WWOX: variants seen among roughly 807,000 people sequenced by gnomAD.
WWOX encodes the protein WW domain containing oxidoreductase, also known as WW domain-containing oxidoreductase.
In WWOX, 69 loss-of-function variants were observed where a neutral mutation model predicts 46.2. The ratio of observed to expected loss-of-function variants is 1.49; its 90% CI spans 1.23 to 1.82. The LOEUF is 1.82. Ranked by LOEUF, WWOX falls within the 40% of genes most tolerant of loss-of-function variation. The pLI, the probability that WWOX is intolerant of heterozygous loss-of-function variation, is 0.00. For synonymous variants in WWOX, 359 were observed against 202.6 expected (o/e 1.77, Z -6.56); for missense variants, 919 against 542.6 (o/e 1.69, Z -6.89).
intron 8 of WWOX, among the ~76,000 whole-genome samples, chr16:78,888,933 C>A (rs758694089): frequency 6.7e-6 from 1 of 150,220 alleles, no homozygotes; most frequent in African/African-American, 2.5e-5. Context: ...TCTCCTTTTT[C>A]CCCAAGCCCC....
chr16:78,646,001 C>A (rs754443150), intron 8 of WWOX, among the ~76,000 whole-genome samples: 6 of 152,150 alleles, frequency 3.9e-5, no homozygotes, highest in Non-Finnish European at 8.8e-5. Context: ...CTCCTCTCCC[C>A]CTTTGTCATC....
intron 8 of WWOX, among the ~76,000 whole-genome samples, chr16:79,069,060 G>A (rs1464918358): frequency 6.6e-6 from 1 of 152,108 alleles, no homozygotes; most frequent in South Asian, 2.1e-4. Context: ...CATTTGATCA[G>A]TAAAGCGCAG....
At chr16:78,301,650 G>C (rs982310400) in intron 5 of WWOX, among the ~76,000 whole-genome samples, 1 of 152,214 alleles carries the variant, frequency 6.6e-6, no homozygotes, top group Non-Finnish European at 1.5e-5. Flanking sequence ...TCAAGTCTCA[G>C]GTTAAAAAAC....
At chr16:79,037,856 C>T (rs948896783) in intron 8 of WWOX, among the ~76,000 whole-genome samples, 3 of 152,132 alleles carry the variant, frequency 2.0e-5, no homozygotes, top group Non-Finnish European at 2.9e-5. Flanking sequence ...CTCCTGCCTG[C>T]TCTCTGGGTG....
chr16:79,005,705 C>A (rs1463351344), intron 8 of WWOX, among the ~76,000 whole-genome samples: 1 of 152,188 alleles, frequency 6.6e-6, no homozygotes, highest in African/African-American at 2.4e-5. Flanking sequence ...ATTTAGAGCC[C>A]ACCCTAATTC....
intron 8 of WWOX, among the ~76,000 whole-genome samples, chr16:78,681,074 C>G (rs1041248775): frequency 2.6e-5 from 4 of 152,152 alleles, no homozygotes; most frequent in African/African-American, 9.7e-5. Context: ...CATGGTGAAA[C>G]CCCATCTGTA....
At chr16:79,030,217 T>G (rs1392142457) in intron 8 of WWOX, among the ~76,000 whole-genome samples, 1 of 152,248 alleles carries the variant, frequency 6.6e-6, no homozygotes, top group African/African-American at 2.4e-5. Context: ...ATTGTAATTA[T>G]TTTGTATTAC....
rs577283955 is a variant in WWOX at position 78,389,812 on chromosome 16, G to A, written c.605+2864G>A. ...GTTGCCCAGGCTGAAGTGCAGTGGT[G>A]CAATCTCTGTTCATTGCAACCTCTG... On this transcript the variant is annotated intron_variant, in intron 6 of 8. Coordinates refer to ENST00000566780, the MANE Select transcript of WWOX (RefSeq NM_016373.4). 3.3e-5 allele frequency among the ~76,000 whole-genome samples: 5 copies of A among 152,234 alleles called. No homozygotes were observed. The South Asian group carries it at 1.0e-3, about 32-fold the overall frequency.
chr16:78,410,034 G>C (rs375148179), intron 6 of WWOX, among the ~76,000 whole-genome samples: 13 of 152,186 alleles, frequency 8.5e-5, no homozygotes, highest in Admixed American at 2.0e-4. Context: ...TTTGGATCAT[G>C]GGGGTGGAAC....
At chr16:78,427,367 C>T (rs552150665) in intron 7 of WWOX, among the ~76,000 whole-genome samples, 5 of 152,242 alleles carry the variant, frequency 3.3e-5, no homozygotes, top group Middle Eastern at 3.4e-3. Context: ...ACCTAAAATA[C>T]ATCATAGTGA....
chr16:78,929,669 G>A (rs560103138), intron 8 of WWOX, among the ~76,000 whole-genome samples: 1 of 152,250 alleles, frequency 6.6e-6, no homozygotes, highest in East Asian at 1.9e-4. Context: ...GACCCGCGTG[G>A]ACTGCATGCT....
chr16:78,528,948 C>CTTTTCT (rs549516367), intron 8 of WWOX, among the ~76,000 whole-genome samples: 2 of 138,286 alleles, frequency 1.4e-5, no homozygotes, highest in African/African-American at 5.7e-5. Flanking sequence ...CTTTTCTTTT[C>CTTTTCT]TTTCTTTCTT....
intron 5 of WWOX, among the ~76,000 whole-genome samples, chr16:78,245,882 A>T (rs1000045378): frequency 6.6e-6 from 1 of 152,222 alleles, no homozygotes; most frequent in African/African-American, 2.4e-5. Context: ...AGGCAGGAAA[A>T]GGTCCTCTCC....
chr16:78,847,826 A>C (rs933278771), intron 8 of WWOX, among the ~76,000 whole-genome samples: 3 of 152,016 alleles, frequency 2.0e-5, no homozygotes, highest in African/African-American at 7.2e-5. Flanking sequence ...CCGCATCAAC[A>C]CCTGTCCTGT....
chr16:79,052,075 C>T (rs2048178394), intron 8 of WWOX, among the ~76,000 whole-genome samples: 1 of 149,254 alleles, frequency 6.7e-6, no homozygotes, highest in Non-Finnish European at 1.5e-5. Context: ...TTTTAGGGTA[C>T]ATGTGCACGT....
chr16:78,931,519 A>G (rs1232993317), intron 8 of WWOX, among the ~76,000 whole-genome samples: 2 of 152,228 alleles, frequency 1.3e-5, no homozygotes, highest in African/African-American at 4.8e-5. Context: ...ATTGCTGGGC[A>G]TGTGCTTGAA....
At chr16:78,305,934 C>G (rs1427282823) in intron 5 of WWOX, among the ~76,000 whole-genome samples, 1 of 151,850 alleles carries the variant, frequency 6.6e-6, no homozygotes, top group Non-Finnish European at 1.5e-5. Flanking sequence ...GTGAAGTGGT[C>G]AGACCACCAA....
chr16:78,844,331 G>A (rs946194216), intron 8 of WWOX, among the ~76,000 whole-genome samples: 7 of 152,144 alleles, frequency 4.6e-5, no homozygotes, highest in Non-Finnish European at 8.8e-5. Flanking sequence ...TTGAAACATG[G>A]AGAAATAAAT....
intron 5 of WWOX, among the ~76,000 whole-genome samples, chr16:78,194,509 G>A (rs1224841210): frequency 2.0e-5 from 3 of 149,746 alleles, no homozygotes; most frequent in Admixed American, 6.7e-5. Context: ...AATTGCTTGA[G>A]CCTGGGAGGC....
Sources: allele counts gnomAD v4.1 joint callset (sites outside exome capture counted in the v4.1 genomes callset), GRCh38; gene constraint gnomAD v4.1.1; transcripts MANE v1.5; gene names NCBI Gene and HGNC (gene_info 2026-07-23, HGNC 2026-07-21).